Variants in EPSTI1 observed in about 807,000 individuals in gnomAD.
The protein encoded by EPSTI1 is epithelial stromal interaction 1, also known as epithelial-stromal interaction protein 1.
A neutral mutation model predicts 49.9 loss-of-function variants in EPSTI1; 66 were observed. The observed-to-expected ratio is 1.32, with a 90% CI of 1.08 to 1.62. EPSTI1 has a LOEUF of 1.62. EPSTI1 is among the 40% of genes most tolerant of loss of function. EPSTI1 has a pLI of 0.00. For missense variants in EPSTI1, 394 were observed against 365.5 expected (o/e 1.08, Z -0.64); for synonymous variants, 137 against 130.7 (o/e 1.05, Z -0.33).
chr13:42,891,056 T>TTGTC (rs1242062821), intron 10 of EPSTI1, among the ~76,000 whole-genome samples: 1 of 152,218 alleles, frequency 6.6e-6, no homozygotes, highest in Admixed American at 6.5e-5. Flanking sequence ...GTTTTTTGTT[T>TTGTC]TGTCTGCAAT....
intron 6 of EPSTI1, among the ~76,000 whole-genome samples, chr13:42,928,423 C>T (rs1476770408): frequency 6.6e-6 from 1 of 152,042 alleles, no homozygotes; most frequent in South Asian, 2.1e-4. Flanking sequence ...GACTAAGAAC[C>T]CTGGACTCTA....
At chr13:42,965,180 T>A (rs1010875735) in intron 3 of EPSTI1, among the ~76,000 whole-genome samples, 2 of 152,168 alleles carry the variant, frequency 1.3e-5, no homozygotes, top group African/African-American at 4.8e-5. Flanking sequence ...CCTGCAACCA[T>A]TCCAATATTG....
At chr13:42,928,676 A>T (rs1177078471) in intron 6 of EPSTI1, among the ~76,000 whole-genome samples, 1 of 152,214 alleles carries the variant, frequency 6.6e-6, no homozygotes, top group African/African-American at 2.4e-5. Context: ...CCTTCAGGAA[A>T]ATCTCGCCTC....
At chr13:42,891,689 C>CT (rs2037039210) in intron 10 of EPSTI1, among the ~76,000 whole-genome samples, 1 of 152,082 alleles carries the variant, frequency 6.6e-6, no homozygotes, top group Admixed American at 6.6e-5. Context: ...GGCTCTAAGT[C>CT]TTTCTATTGT....
In EPSTI1 at chr13:42,910,474, G is replaced by A. The variant is rs557802768; in HGVS notation, c.741+7067C>T. Reference sequence around the variant, plus strand: ...TCACCATGTTGGCCAGGCTGGTCTCGAACTCCTGACCTCAGGTGATCCTCC... The same window carrying A: ...TCACCATGTTGGCCAGGCTGGTCTCAAACTCCTGACCTCAGGTGATCCTCC... On this transcript the variant is annotated intron_variant, in intron 8 of 10. Transcript: ENST00000313624. 2.1e-4 allele frequency among the ~76,000 whole-genome samples: 32 copies of A among 151,956 alleles called. No individual in the cohort carries two copies. In the South Asian group the frequency reaches 5.4e-3, roughly 26 times the overall value.
intron 6 of EPSTI1, among the ~76,000 whole-genome samples, chr13:42,947,847 C>T (rs906979148): frequency 6.6e-6 from 1 of 152,210 alleles, no homozygotes; most frequent in Non-Finnish European, 1.5e-5. Flanking sequence ...AGATCAACCC[C>T]GCCTGGTGGC....
At chr13:42,908,484 GAAAAA>G (rs140923122) in intron 8 of EPSTI1, among the ~76,000 whole-genome samples, 3 of 113,364 alleles carry the variant, frequency 2.6e-5, no homozygotes, top group Admixed American at 1.8e-4. Flanking sequence ...ACTCTGTTAT[GAAAAA>G]AAAAAAAAAA....
chr13:42,907,649 A>G (rs1362251355), intron 8 of EPSTI1, among the ~76,000 whole-genome samples: 1 of 152,198 alleles, frequency 6.6e-6, no homozygotes, highest in East Asian at 1.9e-4. Flanking sequence ...CAAATACACA[A>G]ATTATTATTC....
chr13:42,913,011 G>A lies in EPSTI1; in HGVS notation c.741+4530C>T, dbSNP rs1254325567. 2.0e-5 allele frequency among the ~76,000 whole-genome samples: 3 copies of A among 151,830 alleles called. No individual in the cohort carries two copies. In the East Asian group the frequency reaches 5.8e-4, roughly 29 times the overall value. On this transcript the variant is annotated intron_variant, in intron 8 of 10. Transcript: ENST00000313624. ...AAGTGAAGAGAGACATGTATTTTCA[G>A]ATTAAAAGAGACAACCAAAGGCTAT...
chr13:42,957,621 G>T (rs185930997), intron 5 of EPSTI1, among the ~76,000 whole-genome samples: 11 of 152,230 alleles, frequency 7.2e-5, no homozygotes, highest in African/African-American at 2.6e-4. Flanking sequence ...TGTCACCCAG[G>T]CTGCAGTGCA....
At chr13:42,960,824 G>T (rs1181079242) in intron 5 of EPSTI1, among the ~76,000 whole-genome samples, 4 of 152,010 alleles carry the variant, frequency 2.6e-5, no homozygotes, top group Non-Finnish European at 5.9e-5. Flanking sequence ...CTTTCTCCTG[G>T]TATCATCTCT....
intron 8 of EPSTI1, among the ~76,000 whole-genome samples, chr13:42,906,448 T>C (rs79260089): frequency 0.031 from 4,728 of 152,324 alleles, 96 homozygotes; most frequent in Non-Finnish European, 0.045. Context: ...GACTGCTTTA[T>C]GTAAACATGA....
chr13:42,897,440 G>C (rs548871394), intron 9 of EPSTI1, among the ~76,000 whole-genome samples: 1 of 152,110 alleles, frequency 6.6e-6, no homozygotes, highest in African/African-American at 2.4e-5. Context: ...CCCTTCTGCC[G>C]TGTTTTGCCC....
intron 1 of EPSTI1, among the ~76,000 whole-genome samples, chr13:42,987,828 C>T (rs577965835): frequency 6.6e-6 from 1 of 152,282 alleles, no homozygotes; most frequent in African/African-American, 2.4e-5. Context: ...TAGAGATCCT[C>T]TCATTCCATG....
chr13:42,969,230 A>C lies in EPSTI1; in HGVS notation c.248-53T>G, dbSNP rs2039706064. On this transcript the variant is annotated intron_variant, in intron 2 of 10. Coordinates refer to ENST00000313624, the MANE Select transcript of EPSTI1 (RefSeq NM_033255.5). ...TCAATTATTAGACTTCTAAAAGAAAACCAGTCCCTTCAAAGCATAAGAAAC... is the reference window on the plus strand; with the variant it reads ...TCAATTATTAGACTTCTAAAAGAAACCCAGTCCCTTCAAAGCATAAGAAAC... The C allele has an allele frequency of 7.7e-6, 12 of 1,553,010 alleles. No homozygotes were observed. The Admixed American group carries it at 1.6e-4, about 20-fold the overall frequency.
intron 7 of EPSTI1, among the ~76,000 whole-genome samples, chr13:42,924,651 C>T (rs2038117460): frequency 2.0e-5 from 3 of 152,194 alleles, no homozygotes; most frequent in Admixed American, 2.0e-4. Flanking sequence ...CATGATTTAA[C>T]TCCACTGCCT....
intron 1 of EPSTI1, among the ~76,000 whole-genome samples, chr13:42,991,544 C>G (rs539366599): frequency 6.6e-6 from 1 of 152,342 alleles, no homozygotes; most frequent in South Asian, 2.1e-4. Flanking sequence ...CTTGGCCTCC[C>G]AAAGTGCTGG....
At chr13:42,959,753 C>T (rs183032908) in intron 5 of EPSTI1, among the ~76,000 whole-genome samples, 20 of 152,274 alleles carry the variant, frequency 1.3e-4, no homozygotes, top group African/African-American at 4.8e-4. Flanking sequence ...AGCTGGTTTC[C>T]TGAATTCTCT....
At chr13:42,950,711 G>C (rs1298017282) in intron 6 of EPSTI1, among the ~76,000 whole-genome samples, 1 of 152,212 alleles carries the variant, frequency 6.6e-6, no homozygotes, top group Non-Finnish European at 1.5e-5. Context: ...ATTGCAGCAT[G>C]GTGAAACTAG....
Sources: allele counts gnomAD v4.1 joint callset (sites outside exome capture counted in the v4.1 genomes callset), GRCh38; gene constraint gnomAD v4.1.1; transcripts MANE v1.5; gene names NCBI Gene and HGNC (gene_info 2026-07-23, HGNC 2026-07-21).